Variants in CLEC16A observed in about 807,000 individuals in gnomAD.
CLEC16A encodes the protein C-type lectin domain containing 16A, also known as protein CLEC16A.
A neutral mutation model predicts 109.5 loss-of-function variants in CLEC16A; 51 were observed. The ratio of observed to expected loss-of-function variants is 0.47; its 90% CI spans 0.37 to 0.59. The LOEUF (loss-of-function observed/expected upper bound fraction) is 0.59. CLEC16A is among the 20% of genes least tolerant of loss of function. The probability of loss-of-function intolerance (pLI) is 0.00; values close to 1 mark genes in which losing one functional copy is unlikely to be tolerated. For missense variants in CLEC16A, 1,339 were observed against 1,394.0 expected (o/e 0.96, Z 0.63); for synonymous variants, 673 against 564.2 (o/e 1.19, Z -2.73).
At position 11,119,150 on chromosome 16, in the gene CLEC16A, C is replaced by A. The variant is rs201366296; in HGVS notation, c.2117-1465C>A. Among the ~76,000 whole-genome samples the A allele has an allele frequency of 8.5e-5, 13 of 152,326 alleles. No individual in the cohort carries two copies. In the East Asian group the frequency reaches 2.5e-3, roughly 29 times the overall value. On this transcript the variant is annotated intron_variant, in intron 19 of 23. Transcript: ENST00000409790. ...GAGTAGCTGGGACTACAGGCACACA[C>A]CACCACGCTCAGCTAATTTTTTTTA...
chr16:11,148,471 G>T (rs1597566456), intron 22 of CLEC16A, among the ~76,000 whole-genome samples: 1 of 152,152 alleles, frequency 6.6e-6, no homozygotes, highest in South Asian at 2.1e-4. Context: ...GCCAAGCAAG[G>T]TTGTGTGTAC....
At chr16:11,153,001 G>A (rs1156694346) in intron 22 of CLEC16A, among the ~76,000 whole-genome samples, 1 of 152,096 alleles carries the variant, frequency 6.6e-6, no homozygotes, top group East Asian at 1.9e-4. Flanking sequence ...ACTCCACCCC[G>A]ACCCCGCAGC....
chr16:11,168,534 A>C (rs1374527384), intron 23 of CLEC16A, among the ~76,000 whole-genome samples: 2 of 152,200 alleles, frequency 1.3e-5, no homozygotes, highest in African/African-American at 2.4e-5. Context: ...GAGACAACTC[A>C]CCTGATGAAG....
intron 12 of CLEC16A, chr16:11,024,456 G>A (rs2046296317): frequency 5.0e-6 from 1 of 200,754 alleles, no homozygotes; most frequent in Non-Finnish European, 1.0e-5. Context: ...TTTCTTCATT[G>A]GCTTGTGACA....
At chr16:11,110,440 G>C (rs2051508235) in intron 19 of CLEC16A, among the ~76,000 whole-genome samples, 1 of 152,186 alleles carries the variant, frequency 6.6e-6, no homozygotes, top group South Asian at 2.1e-4. Flanking sequence ...AGCCCGGGGG[G>C]CCTGTGTATC....
At chr16:11,067,569 G>T (rs1345071600) in intron 19 of CLEC16A, among the ~76,000 whole-genome samples, 1 of 152,184 alleles carries the variant, frequency 6.6e-6, no homozygotes, top group Non-Finnish European at 1.5e-5. Context: ...AGGAAGCCAT[G>T]CAGGCCCTGT....
intron 19 of CLEC16A, among the ~76,000 whole-genome samples, chr16:11,067,759 T>C (rs1291124193): frequency 6.6e-6 from 1 of 152,170 alleles, no homozygotes; most frequent in Non-Finnish European, 1.5e-5. Context: ...AGGCATGAAC[T>C]AAGAGGTGGT....
At chr16:11,013,944 A>AAAGAAG (rs554993853) in intron 11 of CLEC16A, among the ~76,000 whole-genome samples, 10 of 151,468 alleles carry the variant, frequency 6.6e-5, no homozygotes, top group Non-Finnish European at 1.0e-4. Flanking sequence ...GTCTCAAAAA[A>AAAGAAG]AAGAAGAAGA....
intron 2 of CLEC16A, among the ~76,000 whole-genome samples, chr16:10,960,011 A>T (rs1193410287): frequency 6.6e-6 from 1 of 152,212 alleles, no homozygotes; most frequent in Non-Finnish European, 1.5e-5. Flanking sequence ...ATTCTTAAAC[A>T]GTTATCCAAC....
In CLEC16A at chr16:10,962,471, AAT is replaced by A; in HGVS notation, c.229_230del (p.Met77ValfsTer29). Reference sequence around the variant, plus strand: ...TCTCCCCAGCTTCTTCCTGGAGAAGAATATGTTTGTTTTCTTCTTGAACATCT... The same window carrying A: ...TCTCCCCAGCTTCTTCCTGGAGAAGAATGTTTGTTTTCTTCTTGAACATCT... ...SSVFDFFLEK[N>X]MFVFFLNILR... is the part of the protein sequence containing the mutation. On this transcript the variant is annotated frameshift_variant, in exon 3 of 24. Transcript: ENST00000409790. LOFTEE classifies it high-confidence loss of function. 6.2e-7 allele frequency: 1 copy of A among 1,613,944 alleles called. No homozygotes were observed. Among genetic ancestry groups the A allele is most frequent in the Non-Finnish European group, 8.5e-7 (1 of 1,179,878 alleles).
chr16:11,170,611 C>T (rs1232434279), intron 23 of CLEC16A, among the ~76,000 whole-genome samples: 1 of 152,220 alleles, frequency 6.6e-6, no homozygotes, highest in African/African-American at 2.4e-5. Flanking sequence ...CCCGCCCGGC[C>T]CACACGTGGC....
In CLEC16A at chr16:11,178,747, C is replaced by T. The variant is rs199810060; in HGVS notation, c.*57C>T. 4.1e-5 allele frequency: 55 copies of T among 1,327,720 alleles called. No individual in the cohort carries two copies. The South Asian group carries it at 5.2e-4, about 13-fold the overall frequency. 82.2% of individuals were successfully genotyped at this position (1,327,720 alleles called of 1,614,324 possible). On this transcript the variant is annotated 3_prime_UTR_variant, in exon 24 of 24. Transcript: ENST00000409790. The surrounding 1 kb of genome is among the most constrained non-coding windows in gnomAD (Gnocchi z 6.5). ...GCCCCGCTGGTAGGGACCCCAGTGC[C>T]GCTGACTGGCAAGACACACTGGGAG...
intron 19 of CLEC16A, among the ~76,000 whole-genome samples, chr16:11,070,155 C>T (rs1478679759): frequency 2.6e-5 from 4 of 151,916 alleles, no homozygotes; most frequent in African/African-American, 9.7e-5. Flanking sequence ...ACTGCAAGCT[C>T]CGCCTCCCGG....
intron 1 of CLEC16A, among the ~76,000 whole-genome samples, chr16:10,951,723 C>G (rs1290690865): frequency 6.6e-6 from 1 of 152,250 alleles, no homozygotes; most frequent in Non-Finnish European, 1.5e-5. Flanking sequence ...GTCATTCTAA[C>G]AGTGGTTATC....
chr16:11,016,003 G>A (rs1463739742), intron 11 of CLEC16A, among the ~76,000 whole-genome samples: 1 of 152,222 alleles, frequency 6.6e-6, no homozygotes, highest in Non-Finnish European at 1.5e-5. Context: ...GGCAAGCCTT[G>A]TTAGTAAACA....
intron 19 of CLEC16A, among the ~76,000 whole-genome samples, chr16:11,091,701 G>A (rs2050314148): frequency 6.6e-6 from 1 of 152,110 alleles, no homozygotes; most frequent in Non-Finnish European, 1.5e-5. Flanking sequence ...TGAAAAATGA[G>A]GAAAATTGTC....
In CLEC16A at chr16:11,179,672, A is replaced by G. The variant is rs1440449957; in HGVS notation, c.*982A>G. On this transcript the variant is annotated 3_prime_UTR_variant, in exon 24 of 24. Transcript: ENST00000409790. ...CGTGAAGACTCCCGACCCTGTGGCC[A>G]TGATGGAAATCAAAGGAAGACACCC... The G allele has an allele frequency of 6.6e-6, 1 of 152,278 alleles. No individual in the cohort carries two copies. Among genetic ancestry groups the G allele is most frequent in the East Asian group, 1.9e-4 (1 of 5,194 alleles). The allele number at this position is 152,278 out of a possible 1,614,324, so 9.4% of individuals were successfully genotyped here.
chr16:11,124,006 T>C, intron 21 of CLEC16A, 60 bp downstream of exon 21: 7 of 1,478,616 alleles, frequency 4.7e-6, no homozygotes, highest in Non-Finnish European at 6.5e-6. Context: ...GGGCTGTTTG[T>C]AGTTCTCACA....
chr16:10,958,657 A>C (rs1294996247), intron 2 of CLEC16A, among the ~76,000 whole-genome samples: 2 of 152,164 alleles, frequency 1.3e-5, no homozygotes, highest in Non-Finnish European at 2.9e-5. Context: ...TAATCCCAGC[A>C]CTTTGGGAGG....
Sources: allele counts gnomAD v4.1 joint callset (sites outside exome capture counted in the v4.1 genomes callset), GRCh38; gene constraint gnomAD v4.1.1; non-coding constraint Gnocchi (gnomAD v3.1); transcripts MANE v1.5; gene names NCBI Gene and HGNC (gene_info 2026-07-23, HGNC 2026-07-21).